Variants in RXRA observed in about 807,000 individuals in gnomAD.
The protein encoded by RXRA is retinoid X receptor alpha.
Under a neutral mutation model 44.5 loss-of-function variants are expected in RXRA, and 5 were observed. The ratio of observed to expected loss-of-function variants is 0.11; its 90% CI spans 0.06 to 0.24. The LOEUF (loss-of-function observed/expected upper bound fraction) is 0.24. Among genes scored for constraint, RXRA ranks in the 10% least tolerant of loss-of-function variants. The pLI, the probability that RXRA is intolerant of heterozygous loss-of-function variation, is 1.00. For synonymous variants in RXRA, 291 were observed against 271.4 expected, an observed-to-expected ratio of 1.07 and a Z score of -0.71; for missense variants, 412 against 646.5, an observed-to-expected ratio of 0.64 and a Z score of 3.93.
chr9:134,351,190 G>A (rs1290491005), intron 1 of RXRA, among the ~76,000 whole-genome samples: 6 of 152,220 alleles, frequency 3.9e-5, no homozygotes, highest in Admixed American at 6.5e-5. Context: ...CTTGGAGCCC[G>A]CAGAGTCTGA....
intron 1 of RXRA, among the ~76,000 whole-genome samples, chr9:134,334,786 A>C (rs1319159631): frequency 6.6e-6 from 1 of 152,160 alleles, no homozygotes; most frequent in Non-Finnish European, 1.5e-5. Context: ...TGCCCTCCCC[A>C]GCTGAGGGGA....
At chr9:134,364,014 G>A (rs1588265727) in intron 1 of RXRA, among the ~76,000 whole-genome samples, 1 of 152,176 alleles carries the variant, frequency 6.6e-6, no homozygotes, top group Non-Finnish European at 1.5e-5. Context: ...TCTCCCAGTT[G>A]CCCCTCCTTC....
At chr9:134,422,708 TA>T in intron 6 of RXRA, 1 of 985,388 alleles carries the variant, frequency 1.0e-6, no homozygotes, top group Non-Finnish European at 1.2e-6. Context: ...ACCTCCTATG[TA>T]CTCTATGGGA....
At chr9:134,410,460 C>T (rs1173068315) in intron 4 of RXRA, among the ~76,000 whole-genome samples, 1 of 152,166 alleles carries the variant, frequency 6.6e-6, no homozygotes, top group African/African-American at 2.4e-5. Context: ...AGCATGTGCC[C>T]AGCCTGGAGA....
In RXRA at chr9:134,440,177, C is replaced by G. The variant is rs796362877; in HGVS notation, c.*3563C>G. The G allele has an allele frequency of 6.6e-6, 1 of 151,680 alleles. No homozygotes were observed. Among genetic ancestry groups the G allele is most frequent in the Non-Finnish European group, 1.5e-5 (1 of 67,948 alleles). 9.4% of individuals were successfully genotyped at this position (151,680 alleles called of 1,614,324 possible). On this transcript the variant is annotated 3_prime_UTR_variant, in exon 10 of 10. Coordinates refer to ENST00000481739, the MANE Select transcript of RXRA (RefSeq NM_002957.6). Reference sequence around the variant, plus strand: ...GGCGGGGGGAGGGCTGGGACTGTTTCGTTTCTGCTTCTAGAGATTGAGGTG... The same window carrying G: ...GGCGGGGGGAGGGCTGGGACTGTTTGGTTTCTGCTTCTAGAGATTGAGGTG...
intron 4 of RXRA, among the ~76,000 whole-genome samples, chr9:134,411,064 A>G (rs1050234953): frequency 6.6e-6 from 1 of 152,204 alleles, no homozygotes; most frequent in Non-Finnish European, 1.5e-5. Context: ...CTGAGGAATG[A>G]AAAGGTGTCG....
At chr9:134,375,779 G>A (rs150310297) in intron 1 of RXRA, among the ~76,000 whole-genome samples, 2 of 152,054 alleles carry the variant, frequency 1.3e-5, no homozygotes, top group Non-Finnish European at 2.9e-5. Flanking sequence ...TAGGAGGGCT[G>A]GCTTCTGGCA....
intron 4 of RXRA, among the ~76,000 whole-genome samples, chr9:134,412,519 C>T (rs977959025): frequency 5.3e-5 from 8 of 152,310 alleles, no homozygotes; most frequent in South Asian, 2.1e-4. Flanking sequence ...CACCCCTATG[C>T]GGTAGGATAC....
At chr9:134,341,186 G>C (rs1830081233) in intron 1 of RXRA, among the ~76,000 whole-genome samples, 2 of 152,244 alleles carry the variant, frequency 1.3e-5, no homozygotes, top group Admixed American at 1.3e-4. Context: ...AGCACAGCAT[G>C]GCACGCTCCC....
At chr9:134,334,488 G>A (rs1351006774) in intron 1 of RXRA, among the ~76,000 whole-genome samples, 2 of 152,270 alleles carry the variant, frequency 1.3e-5, no homozygotes, top group East Asian at 3.8e-4. Flanking sequence ...TGGGCATTGG[G>A]CAGCAGTGTC....
Position 134,408,990 on chromosome 9 carries a change from C to T in RXRA, c.481C>T (p.Arg161Trp). Residue 161 changes from arginine to tryptophan, a missense_variant, in exon 4 of 10, where the codon CGG becomes TGG. By Grantham distance (101) the Arg-to-Trp change is moderately radical. This residue lies in a region of RXRA where 48 missense variants were observed against 119.9 expected (regional missense o/e 0.40). Transcript: ENST00000481739. Reference protein sequence around the residue: ...SCEGCKGFFKRTVRKDLTYTC... With the variant: ...SCEGCKGFFKWTVRKDLTYTC... ...CGAGGGGTGCAAGGGCTTCTTCAAG[C>T]GGACGGTGCGCAAGGACCTGACCTA... is the stretch of plus-strand genomic sequence containing the variant. The T allele has an allele frequency of 1.2e-6, 2 of 1,607,516 alleles. No individual in the cohort carries two copies. The highest frequency in any genetic ancestry group is 1.7e-6 in the Non-Finnish European group (2 of 1,177,042).
chr9:134,342,308 T>C lies in RXRA; in HGVS notation c.28+15649T>C, dbSNP rs1554748183. On this transcript the variant is annotated intron_variant, in intron 1 of 9. Transcript: ENST00000481739. The surrounding 1 kb of genome is among the most constrained non-coding windows in gnomAD (Gnocchi z 4.4). Reference sequence around the variant, plus strand: ...CGGTACCAGCTTGTGCCAAGCCCATTGCCCTCCCAGAACCCTGGGGGAGGG... The same window carrying C: ...CGGTACCAGCTTGTGCCAAGCCCATCGCCCTCCCAGAACCCTGGGGGAGGG... 6.6e-6 allele frequency among the ~76,000 whole-genome samples: 1 copy of C among 151,942 alleles called. No homozygotes were observed. The highest frequency in any genetic ancestry group is 2.1e-4 in the South Asian group (1 of 4,822).
At chr9:134,377,827 C>T (rs1387058869) in intron 1 of RXRA, among the ~76,000 whole-genome samples, 1 of 152,218 alleles carries the variant, frequency 6.6e-6, no homozygotes, top group East Asian at 1.9e-4. Context: ...CATCTCGCTG[C>T]CCCCCTCCAC....
chr9:134,378,950 C>T (rs546575271), intron 1 of RXRA, among the ~76,000 whole-genome samples: 2 of 152,340 alleles, frequency 1.3e-5, no homozygotes, highest in East Asian at 3.9e-4. Flanking sequence ...GAAGAGAGGT[C>T]CTGCTGCTGT....
intron 1 of RXRA, 115 bp from the exon 2 acceptor site, chr9:134,401,517 G>C (rs1281132690): frequency 1.4e-5 from 21 of 1,546,248 alleles, no homozygotes; most frequent in Non-Finnish European, 1.7e-5. Context: ...GGGCCACCTT[G>C]AGGGTGCCGG....
At chr9:134,327,205 TC>T (rs1834930049) in intron 1 of RXRA, among the ~76,000 whole-genome samples, 1 of 151,598 alleles carries the variant, frequency 6.6e-6, no homozygotes, top group African/African-American at 2.4e-5. Context: ...GTGGGCAGGG[TC>T]CCCCGGGGCT....
rs767446525 is a variant in RXRA, at chr9:134,408,138, G to C, written c.280-11G>C. ...GTACACCCCGCTGACTGCTGTGGTT[G>C]CCCCCCCCAGCTCAGCTCACCTATG... On this transcript the variant is annotated splice_polypyrimidine_tract_variant and intron_variant, in intron 2 of 9. Coordinates refer to ENST00000481739, the MANE Select transcript of RXRA (RefSeq NM_002957.6). The C allele has an allele frequency of 1.3e-6, 2 of 1,503,044 alleles. No homozygotes were observed. The highest frequency in any genetic ancestry group is 2.2e-5 in the Admixed American group (1 of 45,318). The allele number at this position is 1,503,044 out of a possible 1,614,324, so 93.1% of individuals were successfully genotyped here.
chr9:134,408,828 G>GGTCCCT (rs1347618813), intron 3 of RXRA, 112 bp from the exon 4 acceptor site: 1 of 1,001,626 alleles, frequency 1.0e-6, no homozygotes, highest in Non-Finnish European at 1.4e-6. Context: ...GAGACCAGCA[G>GGTCCCT]GTCCCTTTCT....
rs1216950369 is a variant in RXRA, at chr9:134,340,664, T to G, written c.28+14005T>G. ...ATGCACGCCTCGGCCCGCAGCTGCCTTCTTGAGCAATGCCAGCAGTGCCTA... is the reference window on the plus strand; with the variant it reads ...ATGCACGCCTCGGCCCGCAGCTGCCGTCTTGAGCAATGCCAGCAGTGCCTA... On this transcript the variant is annotated intron_variant, in intron 1 of 9. Transcript: ENST00000481739. Among the ~76,000 whole-genome samples the G allele has an allele frequency of 3.3e-5, 5 of 152,302 alleles. No homozygotes were observed. The East Asian group carries it at 9.6e-4, about 29-fold the overall frequency.
Sources: gnomAD v4.1 joint callset for allele counts (sites outside exome capture counted in the v4.1 genomes callset) on GRCh38, gnomAD v4.1.1 for gene constraint, gnomAD v4.1.1 regional missense constraint, Gnocchi (gnomAD v3.1) non-coding constraint, MANE v1.5 for transcripts, NCBI Gene and HGNC (gene_info 2026-07-23, HGNC 2026-07-21) for gene names.